EPHA7: variants seen among roughly 807,000 people sequenced by gnomAD.
EPHA7 encodes EPH receptor A7.
Under a neutral mutation model 112.6 loss-of-function variants are expected in EPHA7, and 25 were observed. The observed-to-expected ratio is 0.22, with a 90% CI of 0.16 to 0.31. EPHA7 has a LOEUF of 0.31. EPHA7 is among the 10% of genes least tolerant of loss of function. EPHA7 has a pLI of 1.00. For missense variants in EPHA7, 962 were observed against 1,212.6 expected (o/e 0.79, Z 3.07); for synonymous variants, 437 against 406.5 (o/e 1.07, Z -0.90).
At chr6:93,384,989 T>A (rs1001281679) in intron 3 of EPHA7, among the ~76,000 whole-genome samples, 2 of 152,152 alleles carry the variant, frequency 1.3e-5, no homozygotes, top group Non-Finnish European at 2.9e-5. Flanking sequence ...ATATAAAATA[T>A]ATGGCAAAAT....
chr6:93,379,474 T>A (rs2127969196), intron 3 of EPHA7, among the ~76,000 whole-genome samples: 1 of 152,178 alleles, frequency 6.6e-6, no homozygotes, highest in East Asian at 1.9e-4. Context: ...AATTATCAGA[T>A]ACATGAAGAT....
At chr6:93,286,810 C>T (rs959889358) in intron 5 of EPHA7, among the ~76,000 whole-genome samples, 5 of 152,102 alleles carry the variant, frequency 3.3e-5, no homozygotes, top group African/African-American at 1.2e-4. Flanking sequence ...CCCTCCAGGA[C>T]CAGACAGCTG....
Position 93,241,776 on chromosome 6 carries a change from G to A in EPHA7, c.*1650C>T. 4.6e-6 allele frequency: 1 copy of A among 219,736 alleles called. No homozygotes were observed. Among genetic ancestry groups the A allele is most frequent in the Non-Finnish European group, 9.2e-6 (1 of 109,218 alleles). The allele number at this position is 219,736 out of a possible 1,614,324, so 13.6% of individuals were successfully genotyped here. ...TGCAAGTAAAATAGAAAAATATAGT[G>A]CATTTTCAATGTATTCAGAGCCCAC... On this transcript the variant is annotated 3_prime_UTR_variant, in exon 17 of 17. Coordinates refer to ENST00000369303, the MANE Select transcript of EPHA7 (RefSeq NM_004440.4).
intron 3 of EPHA7, among the ~76,000 whole-genome samples, chr6:93,376,831 C>A (rs1257070423): frequency 1.3e-5 from 2 of 152,100 alleles, no homozygotes; most frequent in African/African-American, 4.8e-5. Context: ...AATTGTCTTT[C>A]TTTTCTTAAG....
At chr6:93,318,555 A>G (rs1242130325) in intron 5 of EPHA7, among the ~76,000 whole-genome samples, 1 of 152,120 alleles carries the variant, frequency 6.6e-6, no homozygotes, top group African/African-American at 2.4e-5. Flanking sequence ...TCTTAAAATT[A>G]TATTTTCTGC....
intron 1 of EPHA7, among the ~76,000 whole-genome samples, chr6:93,415,107 A>T (rs551276849): frequency 2.6e-5 from 4 of 152,032 alleles, no homozygotes; most frequent in Non-Finnish European, 5.9e-5. Flanking sequence ...GAGCTGTTCA[A>T]ATTTGTCAAA....
intron 3 of EPHA7, among the ~76,000 whole-genome samples, chr6:93,405,813 G>GTATATATATA (rs60882775): frequency 5.9e-4 from 44 of 73,974 alleles, no homozygotes; most frequent in East Asian, 1.8e-3. Flanking sequence ...GTGTGTGTGT[G>GTATATATATA]TATATATATA....
At chr6:93,317,513 T>C (rs1422442842) in intron 5 of EPHA7, among the ~76,000 whole-genome samples, 3 of 152,184 alleles carry the variant, frequency 2.0e-5, no homozygotes, top group East Asian at 1.9e-4. Context: ...TTTCAGGTCA[T>C]TCAATTTTAA....
chr6:93,256,117 G>C, intron 12 of EPHA7, 80 bp from the exon 13 acceptor site: 1 of 1,281,888 alleles, frequency 7.8e-7, no homozygotes. Context: ...ATATCTGCGT[G>C]CTAGCAATTT....
intron 5 of EPHA7, among the ~76,000 whole-genome samples, chr6:93,278,688 A>C (rs527515015): frequency 1.3e-5 from 2 of 152,102 alleles, no homozygotes; most frequent in Non-Finnish European, 2.9e-5. Flanking sequence ...CCTATGAGGT[A>C]AATACTGCTT....
At chr6:93,247,433 T>G (rs568370483) in intron 14 of EPHA7, among the ~76,000 whole-genome samples, 28 of 152,306 alleles carry the variant, frequency 1.8e-4, no homozygotes, top group African/African-American at 6.0e-4. Context: ...ATAATATGAA[T>G]GTACTATGAC....
chr6:93,395,338 T>G (rs559743116), intron 3 of EPHA7, among the ~76,000 whole-genome samples: 7 of 151,944 alleles, frequency 4.6e-5, no homozygotes, highest in Admixed American at 2.6e-4. Flanking sequence ...TCTTGGAAAT[T>G]TACAGCTTTT....
At chr6:93,367,055 T>C (rs558234696) in intron 3 of EPHA7, among the ~76,000 whole-genome samples, 2 of 152,058 alleles carry the variant, frequency 1.3e-5, no homozygotes, top group African/African-American at 4.8e-5. Flanking sequence ...GGGGTTCCCA[T>C]GGACTAAAAA....
At chr6:93,356,443 T>A (rs1775950614) in intron 5 of EPHA7, among the ~76,000 whole-genome samples, 1 of 152,266 alleles carries the variant, frequency 6.6e-6, no homozygotes, top group Non-Finnish European at 1.5e-5. Flanking sequence ...GACCTTGTGA[T>A]CTGCCCGCCT....
chr6:93,368,607 T>G (rs1776629074), intron 3 of EPHA7, among the ~76,000 whole-genome samples: 1 of 152,164 alleles, frequency 6.6e-6, no homozygotes, highest in South Asian at 2.1e-4. Context: ...TCTCCCATAA[T>G]ATATTTAAAT....
At chr6:93,259,123 C>T (rs1227623159) in intron 10 of EPHA7, among the ~76,000 whole-genome samples, 2 of 151,990 alleles carry the variant, frequency 1.3e-5, no homozygotes, top group Admixed American at 1.3e-4. Context: ...AGAACAATAT[C>T]TTAAAAATCC....
At chr6:93,299,929 C>G (rs377190350) in intron 5 of EPHA7, among the ~76,000 whole-genome samples, 24 of 152,176 alleles carry the variant, frequency 1.6e-4, no homozygotes, top group African/African-American at 5.8e-4. Context: ...AGGATGGGAA[C>G]TCATGGACAC....
chr6:93,393,165 A>G (rs567250669), intron 3 of EPHA7, among the ~76,000 whole-genome samples: 11 of 151,972 alleles, frequency 7.2e-5, no homozygotes, highest in Admixed American at 1.3e-4. Context: ...ACAAATTACA[A>G]TTCATGTCGA....
intron 10 of EPHA7, among the ~76,000 whole-genome samples, chr6:93,258,844 A>C (rs2127859955): frequency 6.6e-6 from 1 of 151,626 alleles, no homozygotes; most frequent in East Asian, 1.9e-4. Flanking sequence ...TAAAGGAATT[A>C]GAATCAGAAA....
Sources: gnomAD v4.1 joint callset for allele counts (sites outside exome capture counted in the v4.1 genomes callset) on GRCh38, gnomAD v4.1.1 for gene constraint, MANE v1.5 for transcripts, NCBI Gene and HGNC (gene_info 2026-07-23, HGNC 2026-07-21) for gene names.